The following RIMS2 variants were observed in gnomAD, a reference collection of about 807,000 sequenced individuals.
The protein encoded by RIMS2 is regulating synaptic membrane exocytosis protein 2.
Under a neutral mutation model 174.4 loss-of-function variants are expected in RIMS2, and 59 were observed. The ratio of observed to expected loss-of-function variants is 0.34; its 90% CI spans 0.27 to 0.42. The LOEUF (loss-of-function observed/expected upper bound fraction) is 0.42, where lower values mean the gene tolerates loss of function less well. Among genes scored for constraint, RIMS2 ranks in the 10% least tolerant of loss-of-function variants. The pLI, the probability that RIMS2 is intolerant of heterozygous loss-of-function variation, is 1.00. For missense variants in RIMS2, 1,620 were observed against 1,666.3 expected, an observed-to-expected ratio of 0.97 and a Z score of 0.48; for synonymous variants, 606 against 572.5, an observed-to-expected ratio of 1.06 and a Z score of -0.84.
intron 15 of RIMS2, among the ~76,000 whole-genome samples, chr8:103,965,681 A>G (rs1052251380): frequency 1.3e-5 from 2 of 152,072 alleles, no homozygotes; most frequent in African/African-American, 4.8e-5. Context: ...ACAGTGTTGA[A>G]TACAAGTGGT....
At chr8:103,813,882 T>C (rs759549819) in intron 3 of RIMS2, among the ~76,000 whole-genome samples, 115 of 152,200 alleles carry the variant, frequency 7.6e-4, no homozygotes, top group Non-Finnish European at 9.4e-4. Flanking sequence ...TGTGTCTTTA[T>C]AGCAGCATGA....
At chr8:103,909,748 T>G (rs1441101970) in intron 4 of RIMS2, among the ~76,000 whole-genome samples, 1 of 152,038 alleles carries the variant, frequency 6.6e-6, no homozygotes, top group Non-Finnish European at 1.5e-5. Flanking sequence ...CAAACTCATG[T>G]CTTTAGACCA....
intron 4 of RIMS2, among the ~76,000 whole-genome samples, chr8:103,901,537 A>G (rs1202133009): frequency 1.3e-5 from 2 of 152,130 alleles, no homozygotes; most frequent in East Asian, 1.9e-4. Context: ...AAATCTATAT[A>G]CATATTTAAA....
chr8:103,815,939 A>G lies in RIMS2; in HGVS notation c.698+49402A>G, dbSNP rs557955185. Among the ~76,000 whole-genome samples, 120 of 152,314 alleles carry G rather than the reference A, an allele frequency of 7.9e-4. 1 individual carries two copies. The highest frequency in any genetic ancestry group is 1.2e-3 in the Admixed American group (19 of 15,294). Reference sequence around the variant, plus strand: ...GGTAAAACCATAGCTCAGATACATAAAGTAAATATGCTGAGGTAATACAGC... The same window carrying G: ...GGTAAAACCATAGCTCAGATACATAGAGTAAATATGCTGAGGTAATACAGC... On this transcript the variant is annotated intron_variant, in intron 3 of 23. Transcript: ENST00000504942.
At chr8:103,552,116 A>G (rs1421581690) in intron 1 of RIMS2, among the ~76,000 whole-genome samples, 4 of 152,058 alleles carry the variant, frequency 2.6e-5, no homozygotes, top group South Asian at 4.1e-4. Context: ...AAGTTCATAT[A>G]GAACCAAAAA....
intron 18 of RIMS2, among the ~76,000 whole-genome samples, chr8:104,014,214 TCTC>T (rs2154554011): frequency 6.6e-6 from 1 of 152,240 alleles, no homozygotes; most frequent in South Asian, 2.1e-4. Flanking sequence ...GCAGCGAAAT[TCTC>T]CTCTTGCTTT....
chr8:103,564,254 CA>C (rs2092036313), intron 1 of RIMS2, among the ~76,000 whole-genome samples: 1 of 152,178 alleles, frequency 6.6e-6, no homozygotes, highest in African/African-American at 2.4e-5. Flanking sequence ...ACAACTCCAT[CA>C]GATTCTGTAC....
intron 1 of RIMS2, among the ~76,000 whole-genome samples, chr8:103,609,207 GT>G (rs202141409): frequency 0.012 from 1,769 of 152,154 alleles, 33 homozygotes; most frequent in African/African-American, 0.039. Flanking sequence ...GGAATTGTTT[GT>G]TTTTTGCTTG....
intron 3 of RIMS2, among the ~76,000 whole-genome samples, chr8:103,815,849 A>G (rs1033100207): frequency 1.3e-5 from 2 of 152,176 alleles, no homozygotes; most frequent in African/African-American, 4.8e-5. Flanking sequence ...TATAAAATGC[A>G]TTGGTACACA....
At chr8:104,218,404 C>T (rs1162481804) in intron 19 of RIMS2, among the ~76,000 whole-genome samples, 1 of 152,082 alleles carries the variant, frequency 6.6e-6, no homozygotes, top group African/African-American at 2.4e-5. Context: ...GTTAGTGGTC[C>T]CCAACATTTT....
chr8:103,593,826 A>G (rs1414150843), intron 1 of RIMS2, among the ~76,000 whole-genome samples: 1 of 151,348 alleles, frequency 6.6e-6, no homozygotes, highest in Admixed American at 6.6e-5. Flanking sequence ...AAATCAATTT[A>G]AAAATAAATA....
chr8:103,986,584 G>C (rs569861411), intron 16 of RIMS2, among the ~76,000 whole-genome samples: 1 of 152,076 alleles, frequency 6.6e-6, no homozygotes, highest in East Asian at 1.9e-4. Context: ...GTTAATCTAG[G>C]TGAAATGGTT....
chr8:104,115,529 C>T (rs2098265656), intron 19 of RIMS2, among the ~76,000 whole-genome samples: 1 of 151,924 alleles, frequency 6.6e-6, no homozygotes, highest in South Asian at 2.1e-4. Context: ...CATGTTTTAC[C>T]AGAAATAGGA....
At chr8:103,953,577 G>A (rs973641495) in intron 14 of RIMS2, among the ~76,000 whole-genome samples, 1 of 152,140 alleles carries the variant, frequency 6.6e-6, no homozygotes, top group African/African-American at 2.4e-5. Context: ...CACCAGGCCT[G>A]TCCTACGAGA....
At chr8:103,940,648 G>A (rs984902160) in intron 13 of RIMS2, among the ~76,000 whole-genome samples, 1 of 152,028 alleles carries the variant, frequency 6.6e-6, no homozygotes, top group Non-Finnish European at 1.5e-5. Context: ...GGCCGAGGGG[G>A]GCAGATCACC....
At chr8:103,529,299 T>C (rs2130830566) in intron 1 of RIMS2, among the ~76,000 whole-genome samples, 1 of 152,262 alleles carries the variant, frequency 6.6e-6, no homozygotes, top group South Asian at 2.1e-4. Flanking sequence ...TGGGTTGCTT[T>C]GTCTACCTAC....
chr8:104,256,090 A>G (rs991752148), downstream of RIMS2: 8 of 152,222 alleles, frequency 5.3e-5, no homozygotes, highest in Non-Finnish European at 8.8e-5. Context: ...CATCTGTCCA[A>G]TGAAGGTTTA....
chr8:104,147,778 T>A (rs147913588), intron 19 of RIMS2, among the ~76,000 whole-genome samples: 81 of 152,294 alleles, frequency 5.3e-4, no homozygotes, highest in African/African-American at 1.8e-3. Context: ...ATTCTTCGCT[T>A]TCTAATCTAC....
At chr8:103,923,742 C>A (rs114374368) in intron 10 of RIMS2, among the ~76,000 whole-genome samples, 2 of 151,682 alleles carry the variant, frequency 1.3e-5, no homozygotes, top group African/African-American at 4.8e-5. Flanking sequence ...ACCCATACCC[C>A]ACCCACATAT....
Sources: gnomAD v4.1 joint callset for allele counts (sites outside exome capture counted in the v4.1 genomes callset) on GRCh38, gnomAD v4.1.1 for gene constraint, MANE v1.5 for transcripts, NCBI Gene and HGNC (gene_info 2026-07-23, HGNC 2026-07-21) for gene names.